The following SYNDIG1 variants were observed in gnomAD, a reference collection of about 807,000 sequenced individuals.
SYNDIG1 encodes synapse differentiation-inducing gene protein 1.
SYNDIG1 carries 9 observed loss-of-function variants against 19.4 expected under a neutral mutation model. The ratio of observed to expected loss-of-function variants is 0.46; its 90% CI spans 0.28 to 0.81. The LOEUF is 0.81. Ranked by LOEUF, SYNDIG1 falls within the 30% of genes least tolerant of loss-of-function variation. The pLI, the probability that SYNDIG1 is intolerant of heterozygous loss-of-function variation, is 0.12. For missense variants in SYNDIG1, 311 were observed against 343.3 expected (o/e 0.91, Z 0.74); for synonymous variants, 141 against 145.9 (o/e 0.97, Z 0.24).
intron 3 of SYNDIG1, among the ~76,000 whole-genome samples, chr20:24,621,326 C>T (rs1373080191): frequency 1.3e-5 from 2 of 152,160 alleles, no homozygotes; most frequent in Non-Finnish European, 2.9e-5. Flanking sequence ...CTTATCACAT[C>T]ATAAGTGCAT....
At chr20:24,583,586 G>A (rs995447614) in intron 2 of SYNDIG1, among the ~76,000 whole-genome samples, 2 of 152,196 alleles carry the variant, frequency 1.3e-5, no homozygotes, top group South Asian at 2.1e-4. Context: ...TGAGGGCTCC[G>A]TATTTTGATG....
Position 24,666,350 on chromosome 20 carries a change from C to T in SYNDIG1, c.*846C>T, listed in dbSNP as rs1479379792. 3 of 152,680 alleles carry T rather than the reference C, an allele frequency of 2.0e-5. No homozygotes were observed. The highest frequency in any genetic ancestry group is 2.0e-4 in the Admixed American group (3 of 15,292). 9.5% of individuals were successfully genotyped at this position (152,680 alleles called of 1,614,324 possible). On this transcript the variant is annotated 3_prime_UTR_variant, in exon 4 of 4. Transcript: ENST00000376862. ...ACAGGGGCGCCTCCCAATCACCGCG[C>T]TGGCGGATGCTCACCCCGTCATAAG...
At chr20:24,478,910 G>A (rs752064065) in intron 1 of SYNDIG1, among the ~76,000 whole-genome samples, 2 of 152,220 alleles carry the variant, frequency 1.3e-5, no homozygotes, top group Admixed American at 6.5e-5. Context: ...ATTGAACTCC[G>A]CAGGACAGCA....
chr20:24,487,940 G>A (rs1328964677), intron 1 of SYNDIG1, among the ~76,000 whole-genome samples: 2 of 152,150 alleles, frequency 1.3e-5, no homozygotes, highest in East Asian at 1.9e-4. Context: ...TGAGGCTGTA[G>A]TGTGCCGATC....
intron 1 of SYNDIG1, among the ~76,000 whole-genome samples, chr20:24,480,706 T>C (rs1242662821): frequency 1.3e-5 from 2 of 152,130 alleles, no homozygotes; most frequent in East Asian, 1.9e-4. Flanking sequence ...TCACAATAGC[T>C]AAAACGTGGA....
At chr20:24,615,603 G>C (rs1225706395) in intron 3 of SYNDIG1, among the ~76,000 whole-genome samples, 1 of 152,108 alleles carries the variant, frequency 6.6e-6, no homozygotes, top group Non-Finnish European at 1.5e-5. Context: ...AACTCACCCG[G>C]GTTCCTCCCC....
intron 1 of SYNDIG1, among the ~76,000 whole-genome samples, chr20:24,496,116 A>T (rs947627854): frequency 3.3e-5 from 5 of 152,124 alleles, no homozygotes; most frequent in Non-Finnish European, 7.3e-5. Flanking sequence ...AAGTGCTGGG[A>T]TTGCAAGCGT....
intron 3 of SYNDIG1, among the ~76,000 whole-genome samples, chr20:24,646,626 ATTTT>A (rs780443485): frequency 6.9e-6 from 1 of 145,936 alleles, no homozygotes; most frequent in African/African-American, 2.5e-5. Flanking sequence ...GATGCTCAGT[ATTTT>A]TTTTTTTTTG....
intron 3 of SYNDIG1, among the ~76,000 whole-genome samples, chr20:24,616,181 G>C (rs2058929737): frequency 6.6e-6 from 1 of 152,126 alleles, no homozygotes; most frequent in Non-Finnish European, 1.5e-5. Flanking sequence ...GATTTTTAAT[G>C]TTTCCAAAGC....
At chr20:24,522,046 A>G (rs6049753) in intron 1 of SYNDIG1, among the ~76,000 whole-genome samples, 8 of 152,110 alleles carry the variant, frequency 5.3e-5, no homozygotes, top group African/African-American at 1.9e-4. Flanking sequence ...TGTTATTGCC[A>G]TACCCTGACA....
chr20:24,512,307 C>G (rs1344505754), intron 1 of SYNDIG1, among the ~76,000 whole-genome samples: 1 of 150,986 alleles, frequency 6.6e-6, no homozygotes, highest in African/African-American at 2.4e-5. Flanking sequence ...ACAGTGGGTA[C>G]AGCCCACTGA....
chr20:24,519,297 T>A (rs2056954125), intron 1 of SYNDIG1, among the ~76,000 whole-genome samples: 1 of 152,214 alleles, frequency 6.6e-6, no homozygotes, highest in African/African-American at 2.4e-5. Context: ...AAACTGTGCT[T>A]CCATATTGAA....
At chr20:24,511,401 CT>C (rs1242480679) in intron 1 of SYNDIG1, among the ~76,000 whole-genome samples, 1 of 152,204 alleles carries the variant, frequency 6.6e-6, no homozygotes, top group Non-Finnish European at 1.5e-5. Flanking sequence ...CAGCATAGAA[CT>C]TTCCCAGCAC....
intron 1 of SYNDIG1, among the ~76,000 whole-genome samples, chr20:24,536,285 C>T (rs566539505): frequency 2.6e-4 from 39 of 152,228 alleles, no homozygotes; most frequent in African/African-American, 9.1e-4. Context: ...GCCACATTCC[C>T]GTGGGTGTCA....
intron 1 of SYNDIG1, among the ~76,000 whole-genome samples, chr20:24,478,983 C>T (rs1357494447): frequency 6.6e-6 from 1 of 152,182 alleles, no homozygotes; most frequent in East Asian, 1.9e-4. Flanking sequence ...AGGCTTTTCC[C>T]GGAAGATGGA....
At chr20:24,554,044 C>A (rs2057762121) in intron 2 of SYNDIG1, among the ~76,000 whole-genome samples, 2 of 152,118 alleles carry the variant, frequency 1.3e-5, no homozygotes, top group Non-Finnish European at 1.5e-5. Context: ...AAGTTGGATT[C>A]CTAAGTATTT....
intron 1 of SYNDIG1, among the ~76,000 whole-genome samples, chr20:24,506,125 G>A (rs959330101): frequency 4.6e-5 from 7 of 152,158 alleles, no homozygotes; most frequent in African/African-American, 9.7e-5. Context: ...ATTTGGCACC[G>A]CCAGGTCTGG....
intron 3 of SYNDIG1, among the ~76,000 whole-genome samples, chr20:24,607,615 C>T (rs1289914761): frequency 2.6e-5 from 4 of 152,292 alleles, no homozygotes; most frequent in Admixed American, 2.0e-4. Context: ...ACAGTGGAGA[C>T]GGCCTCGGGC....
At chr20:24,624,613 C>T (rs1328218763) in intron 3 of SYNDIG1, among the ~76,000 whole-genome samples, 3 of 152,082 alleles carry the variant, frequency 2.0e-5, no homozygotes, top group South Asian at 2.1e-4. Flanking sequence ...GCTCATTTGT[C>T]AGTAATTGAT....
Sources: allele counts gnomAD v4.1 joint callset (sites outside exome capture counted in the v4.1 genomes callset), GRCh38; gene constraint gnomAD v4.1.1; transcripts MANE v1.5; gene names NCBI Gene and HGNC (gene_info 2026-07-23, HGNC 2026-07-21).